Variants in ACTR10 observed in about 807,000 individuals in gnomAD.
ACTR10 encodes actin-related protein 10.
ACTR10 carries 43 observed loss-of-function variants against 56.2 expected under a neutral mutation model. That is an observed-to-expected ratio of 0.77 (90% CI 0.60 to 0.99). The LOEUF (loss-of-function observed/expected upper bound fraction) is 0.99. ACTR10 is among the 50% of genes least tolerant of loss of function. The probability of loss-of-function intolerance (pLI) is 0.00; values close to 1 mark genes in which losing one functional copy is unlikely to be tolerated. For synonymous variants in ACTR10, 170 were observed against 176.3 expected (o/e 0.96, Z 0.28); for missense variants, 466 against 507.8 (o/e 0.92, Z 0.79).
chr14:58,213,749 G>A, intron 6 of ACTR10, 51 bp downstream of exon 6: 2 of 1,430,982 alleles, frequency 1.4e-6, no homozygotes, highest in Middle Eastern at 1.7e-4. Context: ...CACAAAAACA[G>A]TTGCTAATCT....
intron 6 of ACTR10, among the ~76,000 whole-genome samples, chr14:58,214,874 G>A (rs1889095200): frequency 6.6e-6 from 1 of 150,960 alleles, no homozygotes; most frequent in Non-Finnish European, 1.5e-5. Context: ...GGGAGGCCAA[G>A]GCAGATGGAT....
chr14:58,221,567 T>G (rs1487740540), intron 8 of ACTR10, among the ~76,000 whole-genome samples: 1 of 152,038 alleles, frequency 6.6e-6, no homozygotes, highest in Non-Finnish European at 1.5e-5. Context: ...ACCACTGCAC[T>G]CTAGCTTGGG....
At chr14:58,232,633 C>G (rs1329146029) in intron 12 of ACTR10, among the ~76,000 whole-genome samples, 3 of 151,636 alleles carry the variant, frequency 2.0e-5, no homozygotes. Flanking sequence ...CCAGGATGGT[C>G]TCGATCTCTT....
chr14:58,233,123 T>C (rs1022811446), intron 12 of ACTR10, among the ~76,000 whole-genome samples: 3 of 152,136 alleles, frequency 2.0e-5, no homozygotes, highest in Non-Finnish European at 4.4e-5. Flanking sequence ...TCCGCCCGCC[T>C]CTGCCTCCCA....
chr14:58,203,006 A>G (rs1227750315), intron 2 of ACTR10, 79 bp downstream of exon 2: 1 of 1,054,436 alleles, frequency 9.5e-7, no homozygotes, highest in African/African-American at 1.6e-5. Context: ...AAGATTGATT[A>G]AAACAGTACT....
intron 2 of ACTR10, among the ~76,000 whole-genome samples, chr14:58,204,991 C>T (rs1316951825): frequency 6.6e-6 from 1 of 152,052 alleles, no homozygotes; most frequent in African/African-American, 2.4e-5. Context: ...GAGGCTGAGG[C>T]AGGTGGATCA....
intron 2 of ACTR10, among the ~76,000 whole-genome samples, chr14:58,206,867 TA>T (rs1888877262): frequency 2.0e-5 from 3 of 152,204 alleles, no homozygotes; most frequent in Non-Finnish European, 2.9e-5. Flanking sequence ...TTCTTGTGCA[TA>T]GAGCTTATAA....
intron 11 of ACTR10, 27 bp downstream of exon 11, chr14:58,230,507 T>G (rs373179231): frequency 4.1e-6 from 5 of 1,234,080 alleles, no homozygotes; most frequent in Non-Finnish European, 4.5e-6. Flanking sequence ...AAAAATTCCC[T>G]TTATTACCAC....
At position 58,235,270 on chromosome 14, in the gene ACTR10, A is replaced by T. The variant is rs942592405; in HGVS notation, c.*719A>T. 3 of 152,026 alleles carry T rather than the reference A, an allele frequency of 2.0e-5. No individual in the cohort carries two copies. The highest frequency in any genetic ancestry group is 4.4e-5 in the Non-Finnish European group (3 of 67,984). 9.4% of individuals were successfully genotyped at this position (152,026 alleles called of 1,614,324 possible). On this transcript the variant is annotated 3_prime_UTR_variant, in exon 13 of 13. Coordinates refer to ENST00000254286, the MANE Select transcript of ACTR10 (RefSeq NM_018477.3). Reference sequence around the variant, plus strand: ...TTCAAATACTAACATGGGTCCATTTAAAAAAAATATTTATTTTGGTACTTG... The same window carrying T: ...TTCAAATACTAACATGGGTCCATTTTAAAAAAATATTTATTTTGGTACTTG...
In ACTR10 at chr14:58,223,768, A is replaced by G; in HGVS notation, c.715-15A>G. 6.2e-7 allele frequency: 1 copy of G among 1,610,808 alleles called. No homozygotes were observed. The highest frequency in any genetic ancestry group is 8.5e-7 in the Non-Finnish European group (1 of 1,177,970). ...CAACATGTGTGGACTTATGTTTATGATATTTATATTTCAGCGTCCCTCCCC... is the reference window on the plus strand; with the variant it reads ...CAACATGTGTGGACTTATGTTTATGGTATTTATATTTCAGCGTCCCTCCCC... On this transcript the variant is annotated splice_polypyrimidine_tract_variant and intron_variant, in intron 9 of 12. Transcript: ENST00000254286.
Position 58,231,134 on chromosome 14 carries a change from A to G in ACTR10, c.870+654A>G, listed in dbSNP as rs780516593. 27 of 285,282 alleles carry G rather than the reference A, an allele frequency of 9.5e-5. 1 individual carries two copies. Among genetic ancestry groups the G allele is most frequent in the South Asian group, 6.6e-4 (25 of 37,708 alleles). 17.7% of individuals were successfully genotyped at this position (285,282 alleles called of 1,614,324 possible). ...AATGGCATGATCTCAGCTCAGCACAACCTCCGCCCCCGGGTTCAAGTGAGT... is the reference window on the plus strand; with the variant it reads ...AATGGCATGATCTCAGCTCAGCACAGCCTCCGCCCCCGGGTTCAAGTGAGT... On this transcript the variant is annotated intron_variant, in intron 11 of 12. Coordinates refer to ENST00000254286, the MANE Select transcript of ACTR10 (RefSeq NM_018477.3).
chr14:58,219,009 G>A (rs765046902), intron 7 of ACTR10, among the ~76,000 whole-genome samples: 3 of 152,064 alleles, frequency 2.0e-5, no homozygotes, highest in Non-Finnish European at 4.4e-5. Context: ...TAGTAGAGAC[G>A]AGGTTTCTCC....
intron 10 of ACTR10, among the ~76,000 whole-genome samples, chr14:58,226,970 G>A (rs1022655760): frequency 2.0e-5 from 3 of 152,154 alleles, no homozygotes; most frequent in African/African-American, 7.2e-5. Context: ...CTGACCAGTA[G>A]TTGGTTGGTG....
chr14:58,232,455 C>T lies in ACTR10; in HGVS notation c.1072+188C>T, dbSNP rs1282136478. On this transcript the variant is annotated intron_variant, in intron 12 of 12. Transcript: ENST00000254286. ...TTGAGACGGAGTCTCACTCTGTCGC[C>T]AGGCTGGAGTGCAGTGGTGGTGCGA... 1.1e-4 allele frequency among the ~76,000 whole-genome samples: 14 copies of T among 129,724 alleles called. No homozygotes were observed. In the Admixed American group the frequency reaches 1.3e-3, roughly 12 times the overall value. 85.1% of individuals were successfully genotyped at this position (129,724 alleles called of 152,430 possible).
intron 8 of ACTR10, among the ~76,000 whole-genome samples, chr14:58,222,398 T>G (rs910789950): frequency 6.6e-6 from 1 of 152,066 alleles, no homozygotes; most frequent in African/African-American, 2.4e-5. Context: ...AGTGTTGGGG[T>G]GTGCTAATGA....
chr14:58,215,185 CT>C lies in ACTR10; in HGVS notation c.519-9del, dbSNP rs748106417. 52,959 of 1,000,316 alleles carry C rather than the reference CT, an allele frequency of 0.053. No homozygotes were observed. Among genetic ancestry groups the C allele is most frequent in the South Asian group, 0.072 (3,804 of 52,496 alleles). 62.0% of individuals were successfully genotyped at this position (1,000,316 alleles called of 1,614,324 possible). On this transcript the variant is annotated intron_variant, in intron 6 of 12. Coordinates refer to ENST00000254286, the MANE Select transcript of ACTR10 (RefSeq NM_018477.3). ...AGTTTCAATATTTTCATTCCAGTAA[CT>C]TTTTTTTTTTAATTTCAGAGAGTTG...
intron 5 of ACTR10, among the ~76,000 whole-genome samples, chr14:58,212,780 C>T (rs562960723): frequency 6.6e-6 from 1 of 152,280 alleles, no homozygotes; most frequent in South Asian, 2.1e-4. Context: ...ACTTCCCTCT[C>T]AGCTCCGTCC....
chr14:58,230,327 A>T (rs1889499080), intron 10 of ACTR10, 72 bp from the exon 11 acceptor site: 1 of 717,860 alleles, frequency 1.4e-6, no homozygotes, highest in African/African-American at 1.8e-5. Context: ...GTAAATGGAA[A>T]TAATGGTGTA....
intron 8 of ACTR10, among the ~76,000 whole-genome samples, chr14:58,222,002 G>A (rs1374134061): frequency 6.6e-6 from 1 of 152,104 alleles, no homozygotes; most frequent in Non-Finnish European, 1.5e-5. Context: ...AAACATATAA[G>A]TAGCTTTAGT....
Sources: allele counts gnomAD v4.1 joint callset (sites outside exome capture counted in the v4.1 genomes callset), GRCh38; gene constraint gnomAD v4.1.1; transcripts MANE v1.5; gene names NCBI Gene and HGNC (gene_info 2026-07-23, HGNC 2026-07-21).